Variants in DNAH14 observed in about 807,000 individuals in gnomAD.
The protein encoded by DNAH14 is dynein axonemal heavy chain 14.
In DNAH14, 478 loss-of-function variants were observed where a neutral mutation model predicts 520.9. The ratio of observed to expected loss-of-function variants is 0.92; its 90% CI spans 0.85 to 0.99. DNAH14 has a LOEUF of 0.99. DNAH14 is among the 50% of genes least tolerant of loss of function. The pLI, the probability that DNAH14 is intolerant of heterozygous loss-of-function variation, is 0.00. For synonymous variants in DNAH14, 1,581 were observed against 1,757.2 expected (o/e 0.90, Z 2.51); for missense variants, 4,831 against 5,234.5 (o/e 0.92, Z 2.38).
intron 8 of DNAH14, among the ~76,000 whole-genome samples, chr1:224,984,685 C>G (rs111552187): frequency 0.042 from 6,350 of 152,088 alleles, 218 homozygotes; most frequent in Non-Finnish European, 0.061. Context: ...TGAACTCAAA[C>G]AAATCAGTAA....
intron 68 of DNAH14, among the ~76,000 whole-genome samples, chr1:225,339,141 C>CAAA (rs5781399): frequency 7.6e-6 from 1 of 131,486 alleles, no homozygotes; most frequent in African/African-American, 3.1e-5. Context: ...CAATGAAATA[C>CAAA]AAAAAAAAAA....
intron 22 of DNAH14, among the ~76,000 whole-genome samples, chr1:225,100,046 T>G (rs1416306706): frequency 6.6e-6 from 1 of 152,116 alleles, no homozygotes; most frequent in African/African-American, 2.4e-5. Flanking sequence ...CTCATTCAAT[T>G]CCAACAACAA....
At chr1:225,015,968 C>T (rs2065186833) in intron 10 of DNAH14, among the ~76,000 whole-genome samples, 1 of 152,182 alleles carries the variant, frequency 6.6e-6, no homozygotes, top group South Asian at 2.1e-4. Context: ...AGCTTTGGCG[C>T]AGTCTGGGAC....
intron 46 of DNAH14, among the ~76,000 whole-genome samples, chr1:225,263,295 TC>T (rs1336253405): frequency 6.6e-6 from 1 of 150,978 alleles, no homozygotes; most frequent in Non-Finnish European, 1.5e-5. Flanking sequence ...AACATTTCAA[TC>T]TTAACATAAC....
At chr1:225,335,710 TATATAC>T (rs2094980844) in intron 66 of DNAH14, among the ~76,000 whole-genome samples, 1 of 84,930 alleles carries the variant, frequency 1.2e-5, no homozygotes, top group Admixed American at 9.7e-5. Flanking sequence ...TGCATATATG[TATATAC>T]GCATATATAC....
chr1:225,389,460 G>A lies in DNAH14; in HGVS notation c.13191-274G>A, dbSNP rs915272866. 3.9e-5 allele frequency among the ~76,000 whole-genome samples: 6 copies of A among 152,198 alleles called. No individual in the cohort carries two copies. The South Asian group carries it at 1.0e-3, about 26-fold the overall frequency. ...GAGAAGTCTGTGCCTCAAAAACAACGGACAAGATTCTGCGAGGCGCAGGCA... is the reference window on the plus strand; with the variant it reads ...GAGAAGTCTGTGCCTCAAAAACAACAGACAAGATTCTGCGAGGCGCAGGCA... On this transcript the variant is annotated intron_variant, in intron 82 of 85. Transcript: ENST00000682510.
At chr1:225,057,031 T>C (rs916273137) in intron 17 of DNAH14, among the ~76,000 whole-genome samples, 1 of 152,214 alleles carries the variant, frequency 6.6e-6, no homozygotes, top group African/African-American at 2.4e-5. Context: ...TTTGGTTCCA[T>C]AGGAACTTTA....
chr1:225,096,968 T>G lies in DNAH14; in HGVS notation c.3574-150T>G, dbSNP rs2075037353. The G allele has an allele frequency of 4.8e-6, 3 of 626,302 alleles. No homozygotes were observed. In the South Asian group the frequency reaches 1.2e-4, roughly 25 times the overall value. The allele number at this position is 626,302 out of a possible 1,614,324, so 38.8% of individuals were successfully genotyped here. On this transcript the variant is annotated intron_variant, in intron 21 of 85. Coordinates refer to ENST00000682510, the MANE Select transcript of DNAH14 (RefSeq NM_001367479.1). ...AACCTCTCCTAAAACTAAATACAAT[T>G]AGATCTGTATTCATTTATGTGACTT...
chr1:225,035,510 T>G (rs200192915), intron 11 of DNAH14, among the ~76,000 whole-genome samples: 1 of 142,986 alleles, frequency 7.0e-6, no homozygotes, highest in South Asian at 2.3e-4. Flanking sequence ...TTTTTTTTTG[T>G]TTTTTTTTGA....
At chr1:225,385,691 C>T (rs1322094761) in intron 81 of DNAH14, among the ~76,000 whole-genome samples, 1 of 152,148 alleles carries the variant, frequency 6.6e-6, no homozygotes. Flanking sequence ...AGGACCTCTT[C>T]AAGGAGAACT....
intron 1 of DNAH14, among the ~76,000 whole-genome samples, chr1:224,930,760 G>A (rs1033709947): frequency 2.0e-5 from 3 of 152,132 alleles, no homozygotes; most frequent in African/African-American, 7.2e-5. Flanking sequence ...ACCATGCCCG[G>A]CTAATTTTTT....
At chr1:224,968,896 C>T (rs1458591038) in intron 7 of DNAH14, 22 bp downstream of exon 7, 2 of 1,484,494 alleles carry the variant, frequency 1.3e-6, no homozygotes, top group Admixed American at 4.2e-5. Flanking sequence ...AAAATGAAAC[C>T]AATTCTTTGT....
chr1:225,366,707 C>T (rs184232475), intron 76 of DNAH14, among the ~76,000 whole-genome samples: 1 of 152,284 alleles, frequency 6.6e-6, no homozygotes, highest in Admixed American at 6.5e-5. Context: ...GTCAGAGAAG[C>T]TTGTCTTCCA....
chr1:225,214,076 C>A (rs143832867), intron 41 of DNAH14, among the ~76,000 whole-genome samples: 98 of 152,110 alleles, frequency 6.4e-4, no homozygotes, highest in African/African-American at 2.3e-3. Context: ...TTTTGAGATA[C>A]ATCCCGTCAA....
At chr1:225,074,031 G>A (rs1295728714) in intron 17 of DNAH14, among the ~76,000 whole-genome samples, 1 of 100,202 alleles carries the variant, frequency 1.0e-5, no homozygotes, top group African/African-American at 4.1e-5. Flanking sequence ...ACGGAGTCTC[G>A]CTCTGTCGCC....
intron 27 of DNAH14, 82 bp from the exon 28 acceptor site, chr1:225,140,686 C>A: frequency 9.2e-7 from 1 of 1,092,780 alleles, no homozygotes; most frequent in South Asian, 1.9e-5. Flanking sequence ...TGAAAACATC[C>A]ATTTTAATTT....
At position 224,975,692 on chromosome 1, in the gene DNAH14, A is replaced by G. The variant is rs188445000; in HGVS notation, c.830+1539A>G. On this transcript the variant is annotated intron_variant, in intron 8 of 85. Coordinates refer to ENST00000682510, the MANE Select transcript of DNAH14 (RefSeq NM_001367479.1). ...CAAAAAACCAGCTCCTGGATTCATT[A>G]ATTTTTTGAAGGGTTTCTTGTGTCT... Among the ~76,000 whole-genome samples, 389 of 150,898 alleles carry G rather than the reference A, an allele frequency of 2.6e-3. 1 individual carries two copies. Among genetic ancestry groups the G allele is most frequent in the Non-Finnish European group, 1.6e-3 (109 of 67,926 alleles).
chr1:224,950,615 T>C (rs1157434652), intron 1 of DNAH14, among the ~76,000 whole-genome samples: 5 of 152,234 alleles, frequency 3.3e-5, no homozygotes, highest in Non-Finnish European at 5.9e-5. Context: ...GATGAGAGCA[T>C]GAATATGTAA....
intron 43 of DNAH14, among the ~76,000 whole-genome samples, chr1:225,246,105 CAAAAAAAA>C (rs140007042): frequency 1.3e-5 from 1 of 77,728 alleles, no homozygotes; most frequent in African/African-American, 4.8e-5. Flanking sequence ...ACAAACCTGG[CAAAAAAAA>C]AAAAAAAAAA....
Sources: allele counts gnomAD v4.1 joint callset (sites outside exome capture counted in the v4.1 genomes callset), GRCh38; gene constraint gnomAD v4.1.1; transcripts MANE v1.5; gene names NCBI Gene and HGNC (gene_info 2026-07-23, HGNC 2026-07-21).